The following SRRM4 variants were observed in gnomAD, a reference collection of about 807,000 sequenced individuals.
The protein encoded by SRRM4 is serine/arginine repetitive matrix protein 4.
In SRRM4, 33 loss-of-function variants were observed where a neutral mutation model predicts 68.9. That is an observed-to-expected ratio of 0.48 (90% CI 0.36 to 0.64). The LOEUF is 0.64. SRRM4 is among the 30% of genes least tolerant of loss of function. The pLI, the probability that SRRM4 is intolerant of heterozygous loss-of-function variation, is 0.00. For synonymous variants in SRRM4, 318 were observed against 318.8 expected, an observed-to-expected ratio of 1.00 and a Z score of 0.03; for missense variants, 817 against 827.1, an observed-to-expected ratio of 0.99 and a Z score of 0.15.
At chr12:119,004,182 T>TA (rs1953402312) in intron 1 of SRRM4, among the ~76,000 whole-genome samples, 1 of 151,990 alleles carries the variant, frequency 6.6e-6, no homozygotes, top group Non-Finnish European at 1.5e-5. Flanking sequence ...AAGCTGCAGG[T>TA]CCCACACACC....
intron 1 of SRRM4, among the ~76,000 whole-genome samples, chr12:119,003,228 T>C (rs1016580018): frequency 2.0e-5 from 3 of 151,680 alleles, no homozygotes; most frequent in Non-Finnish European, 4.4e-5. Context: ...GGCAAGTAGA[T>C]TTAACCCAGC....
chr12:119,155,420 G>A (rs1954465664), intron 12 of SRRM4, among the ~76,000 whole-genome samples: 1 of 152,234 alleles, frequency 6.6e-6, no homozygotes, highest in African/African-American at 2.4e-5. Flanking sequence ...GCAAGGCTGG[G>A]GTGATGGGTC....
intron 2 of SRRM4, among the ~76,000 whole-genome samples, chr12:119,105,162 T>A (rs1488121216): frequency 6.6e-6 from 1 of 152,040 alleles, no homozygotes; most frequent in African/African-American, 2.4e-5. Flanking sequence ...TCCTTTTTCA[T>A]GGCTGCATAG....
At chr12:119,128,242 G>A (rs549005595) in intron 7 of SRRM4, among the ~76,000 whole-genome samples, 25 of 152,216 alleles carry the variant, frequency 1.6e-4, no homozygotes, top group Admixed American at 9.1e-4. Flanking sequence ...TGAGAACACC[G>A]CAAAACACAA....
chr12:119,148,742 C>T (rs187807796), intron 9 of SRRM4, among the ~76,000 whole-genome samples: 20 of 152,310 alleles, frequency 1.3e-4, no homozygotes, highest in Admixed American at 7.8e-4. Flanking sequence ...TAGCAGTTAC[C>T]TGTTTAATTT....
At chr12:119,149,447 C>G (rs995237120) in intron 9 of SRRM4, among the ~76,000 whole-genome samples, 1 of 152,164 alleles carries the variant, frequency 6.6e-6, no homozygotes, top group African/African-American at 2.4e-5. Context: ...GGAGCTGTCT[C>G]CAGGGAGCTC....
At chr12:119,056,355 C>G (rs1168598724) in intron 1 of SRRM4, among the ~76,000 whole-genome samples, 1 of 152,174 alleles carries the variant, frequency 6.6e-6, no homozygotes, top group Non-Finnish European at 1.5e-5. Flanking sequence ...GCTGGGGAGG[C>G]AGTAAAGATG....
At chr12:119,122,745 A>G (rs1367590026) in intron 6 of SRRM4, among the ~76,000 whole-genome samples, 1 of 152,068 alleles carries the variant, frequency 6.6e-6, no homozygotes, top group Non-Finnish European at 1.5e-5. Flanking sequence ...GTACCTGTGT[A>G]TATTTTGTGC....
At chr12:119,067,737 T>TA (rs1953854918) in intron 1 of SRRM4, among the ~76,000 whole-genome samples, 1 of 151,868 alleles carries the variant, frequency 6.6e-6, no homozygotes, top group Admixed American at 6.6e-5. Flanking sequence ...AAAATAAAAA[T>TA]AAAAATAAGA....
At chr12:119,084,986 C>A (rs893717993) in intron 1 of SRRM4, among the ~76,000 whole-genome samples, 2 of 152,180 alleles carry the variant, frequency 1.3e-5, no homozygotes, top group African/African-American at 2.4e-5. Flanking sequence ...CTGCAACCTT[C>A]GCCTCCTGGG....
rs192184370 is a variant in SRRM4, at chr12:119,084,890, T to A, written c.132-17346T>A. ...AGGCAAGGTGAATGATGCCAGTTTT[T>A]AAAAATATTTATTTCTTTATTTATT... On this transcript the variant is annotated intron_variant, in intron 1 of 12. Coordinates refer to ENST00000267260, the MANE Select transcript of SRRM4 (RefSeq NM_194286.4). Among the ~76,000 whole-genome samples, 222 of 152,308 alleles carry A rather than the reference T, an allele frequency of 1.5e-3. 2 individuals are homozygous for A. The highest frequency in any genetic ancestry group is 5.6e-3 in the Admixed American group (86 of 15,296).
rs1424049306 is a variant in SRRM4 at position 119,034,498 on chromosome 12, G to A, written c.131+52485G>A. ...CAAGAATCATGTTCATTCTTCAGCA[G>A]TCTAAAAATCTAATGCATGCATATT... On this transcript the variant is annotated intron_variant, in intron 1 of 12. Coordinates refer to ENST00000267260, the MANE Select transcript of SRRM4 (RefSeq NM_194286.4). 6.6e-5 allele frequency among the ~76,000 whole-genome samples: 10 copies of A among 152,192 alleles called. No homozygotes were observed. In the East Asian group the frequency reaches 1.7e-3, roughly 26 times the overall value.
Position 118,981,624 on chromosome 12 carries a change from G to A in SRRM4, c.-259G>A, listed in dbSNP as rs1341484412. On this transcript the variant is annotated 5_prime_UTR_variant, in exon 1 of 13. Transcript: ENST00000267260. ...CAGCCCTCCCTTCCCTTCTTGGGGC[G>A]CAGAGGCTCAGCCAGCTCAGAGCGC... is the stretch of plus-strand genomic sequence containing the variant. 4.9e-6 allele frequency: 2 copies of A among 412,024 alleles called. No individual in the cohort carries two copies. Among genetic ancestry groups the A allele is most frequent in the South Asian group, 4.9e-5 (1 of 20,422 alleles). 25.5% of individuals were successfully genotyped at this position (412,024 alleles called of 1,614,324 possible). A position where few individuals can be genotyped will look rare whatever the true frequency, so the allele number is the denominator to read the frequency against.
intron 8 of SRRM4, among the ~76,000 whole-genome samples, chr12:119,134,393 A>AG (rs934526438): frequency 6.6e-6 from 1 of 151,734 alleles, no homozygotes; most frequent in Non-Finnish European, 1.5e-5. Flanking sequence ...AAAAAAAAAA[A>AG]AAAAAGAAGA....
At chr12:119,124,560 A>G (rs1431920106) in intron 6 of SRRM4, among the ~76,000 whole-genome samples, 1 of 152,166 alleles carries the variant, frequency 6.6e-6, no homozygotes, top group Admixed American at 6.5e-5. Flanking sequence ...TATATCTTCA[A>G]TTACCACTGC....
At position 119,034,418 on chromosome 12, in the gene SRRM4, G is replaced by A. The variant is rs185770404; in HGVS notation, c.131+52405G>A. Among the ~76,000 whole-genome samples the A allele has an allele frequency of 1.1e-3, 171 of 152,214 alleles. 4 individuals are homozygous for A. Among genetic ancestry groups the A allele is most frequent in the African/African-American group, 3.9e-3 (163 of 41,538 alleles). ...AAGATGACTCTGGGTGGGGCATCCC[G>A]GTCTCCATCACAGTTGCAGAATTTC... On this transcript the variant is annotated intron_variant, in intron 1 of 12. Coordinates refer to ENST00000267260, the MANE Select transcript of SRRM4 (RefSeq NM_194286.4).
At chr12:119,146,969 C>T (rs976873325) in intron 9 of SRRM4, among the ~76,000 whole-genome samples, 1 of 152,082 alleles carries the variant, frequency 6.6e-6, no homozygotes, top group African/African-American at 2.4e-5. Flanking sequence ...AGTATTTACC[C>T]AAATGAATTG....
At chr12:118,984,857 A>G (rs1953272431) in intron 1 of SRRM4, among the ~76,000 whole-genome samples, 1 of 152,192 alleles carries the variant, frequency 6.6e-6, no homozygotes, top group Non-Finnish European at 1.5e-5. Context: ...CTTGAGCATG[A>G]GACAACCTGG....
chr12:119,102,100 G>T (rs1050889963), intron 1 of SRRM4, 136 bp from the exon 2 acceptor site: 2 of 818,956 alleles, frequency 2.4e-6, no homozygotes, highest in Non-Finnish European at 3.7e-6. Context: ...AGAGACCATT[G>T]GCCAAAGATA....
Sources: allele counts gnomAD v4.1 joint callset (sites outside exome capture counted in the v4.1 genomes callset), GRCh38; gene constraint gnomAD v4.1.1; transcripts MANE v1.5; gene names NCBI Gene and HGNC (gene_info 2026-07-23, HGNC 2026-07-21).